Variants in BLOC1S3 observed in about 807,000 individuals in gnomAD.
The protein encoded by BLOC1S3 is biogenesis of lysosomal organelles complex 1 subunit 3, also known as biogenesis of lysosome-related organelles complex 1 subunit 3.
A neutral mutation model predicts 9.1 loss-of-function variants in BLOC1S3; 7 were observed. The ratio of observed to expected loss-of-function variants is 0.77; its 90% CI spans 0.44 to 1.45. BLOC1S3 has a LOEUF of 1.45. Ranked by LOEUF, BLOC1S3 falls within the 40% of genes most tolerant of loss-of-function variation. The pLI is 0.01. For synonymous variants in BLOC1S3, 145 were observed against 158.4 expected (o/e 0.92, Z 0.64); for missense variants, 307 against 315.2 (o/e 0.97, Z 0.20).
intron 3 of BLOC1S3, among the ~76,000 whole-genome samples, chr19:45,214,953 C>G (rs973075001): frequency 5.9e-5 from 9 of 152,038 alleles, no homozygotes; most frequent in African/African-American, 1.9e-4. Context: ...GTCAGGAGCT[C>G]AAGACCAGTG....
chr19:45,214,386 C>CA (rs1219906712), intron 3 of BLOC1S3, among the ~76,000 whole-genome samples: 7 of 152,148 alleles, frequency 4.6e-5, no homozygotes, highest in Admixed American at 3.3e-4. Context: ...CAGCCACCAC[C>CA]ACTGCCACCA....
At chr19:45,184,903 C>CAAAA (rs71338752), downstream of BLOC1S3, among the ~76,000 whole-genome samples, 369 of 48,274 alleles carry the variant, frequency 7.6e-3, 42 homozygotes, top group African/African-American at 0.024. Flanking sequence ...CTGTCTCAAA[C>CAAAA]AAAAAAAAAA....
chr19:45,206,462 T>TTTTTTTTTTTTTTTTTTG (rs970984062), intron 3 of BLOC1S3, among the ~76,000 whole-genome samples: 5 of 115,502 alleles, frequency 4.3e-5, no homozygotes, highest in African/African-American at 7.2e-5. Flanking sequence ...TTTTTTTTTT[T>TTTTTTTTTTTTTTTTTTG]TTTTTTTTTT....
At chr19:45,201,524 G>A (rs569064719) in intron 2 of BLOC1S3, among the ~76,000 whole-genome samples, 4 of 152,162 alleles carry the variant, frequency 2.6e-5, no homozygotes, top group Non-Finnish European at 5.9e-5. Flanking sequence ...GCCAGCAGGT[G>A]GTGAAGCCTG....
intron 2 of BLOC1S3, among the ~76,000 whole-genome samples, chr19:45,191,989 A>C (rs1969610542): frequency 6.6e-6 from 1 of 152,206 alleles, no homozygotes. Flanking sequence ...AAATCCAGCC[A>C]GGCTTGTGTT....
intron 3 of BLOC1S3, among the ~76,000 whole-genome samples, chr19:45,213,900 G>A (rs913289468): frequency 1.3e-5 from 2 of 151,998 alleles, no homozygotes; most frequent in African/African-American, 4.8e-5. Flanking sequence ...GTTGCAGTGA[G>A]CTGAGATCGC....
intron 3 of BLOC1S3, chr19:45,213,409 C>T: frequency 1.3e-6 from 2 of 1,594,334 alleles, no homozygotes; most frequent in Non-Finnish European, 1.7e-6. Context: ...TCTAGACACA[C>T]ACCCAACCCA....
rs534869632 is a variant in BLOC1S3 at position 45,192,792 on chromosome 19, C to T, written n.180+5052C>T. Reference sequence around the variant, plus strand: ...GGTGGCTGAGCTGATATCCAAGGTGCAAAACAAAGACCTCTTTATTCTTCC... The same window carrying T: ...GGTGGCTGAGCTGATATCCAAGGTGTAAAACAAAGACCTCTTTATTCTTCC... On this transcript the variant is annotated intron_variant and non_coding_transcript_variant, in intron 2 of 3. Coordinates refer to the BLOC1S3 transcript ENST00000591569. Among the ~76,000 whole-genome samples the T allele has an allele frequency of 9.2e-5, 14 of 152,156 alleles. No individual in the cohort carries two copies. In the South Asian group the frequency reaches 1.2e-3, roughly 14 times the overall value.
At chr19:45,215,167 C>G (rs2122952471) in intron 3 of BLOC1S3, among the ~76,000 whole-genome samples, 2 of 151,990 alleles carry the variant, frequency 1.3e-5, no homozygotes, top group Non-Finnish European at 2.9e-5. Context: ...CAAACAACAA[C>G]AAAATACCCC....
In BLOC1S3 at chr19:45,179,285, T is replaced by G. The variant is rs1313723781; in HGVS notation, c.-9-3T>G. The G allele has an allele frequency of 6.4e-7, 1 of 1,573,752 alleles. No individual in the cohort carries two copies. The highest frequency in any genetic ancestry group is 8.6e-7 in the Non-Finnish European group (1 of 1,169,002). ...GTGCAGTCCCTTCGCTCTTCTCCCC[T>G]AGTTCGGTGCCATGGCGTCCCAGGG... On this transcript the variant is annotated splice_polypyrimidine_tract_variant and splice_region_variant and intron_variant, in intron 1 of 1. Transcript: ENST00000433642. This position sits in a 1 kb window ranked among gnomAD's most constrained non-coding sequence, Gnocchi z 4.6.
chr19:45,213,152 G>A (rs376415591), intron 3 of BLOC1S3: 47 of 1,590,206 alleles, frequency 3.0e-5, no homozygotes, highest in African/African-American at 2.8e-4. Context: ...AGCCGGGAGA[G>A]GGGGAGGCGG....
At chr19:45,187,897 A>C (rs544860231) in intron 2 of BLOC1S3, among the ~76,000 whole-genome samples, 29 of 152,084 alleles carry the variant, frequency 1.9e-4, no homozygotes, top group African/African-American at 4.8e-4. Context: ...TTGTGGGTAC[A>C]TAGTAGATGT....
At chr19:45,191,731 T>C (rs1160530922) in intron 2 of BLOC1S3, among the ~76,000 whole-genome samples, 2 of 152,256 alleles carry the variant, frequency 1.3e-5, no homozygotes, top group Non-Finnish European at 2.9e-5. Context: ...AAGAATTCTC[T>C]GGATTATCAG....
intron 3 of BLOC1S3, among the ~76,000 whole-genome samples, chr19:45,205,221 A>G (rs1230899532): frequency 4.6e-5 from 7 of 151,998 alleles, no homozygotes; most frequent in Non-Finnish European, 1.0e-4. Context: ...ACTGGAGTAC[A>G]GTGGCATGAT....
At chr19:45,200,194 T>C (rs1431701634) in intron 2 of BLOC1S3, among the ~76,000 whole-genome samples, 1 of 150,944 alleles carries the variant, frequency 6.6e-6, no homozygotes, top group East Asian at 1.9e-4. Flanking sequence ...TTTTTTTTTT[T>C]TTTTTGAGAC....
intron 2 of BLOC1S3, among the ~76,000 whole-genome samples, chr19:45,193,528 C>T (rs1969623119): frequency 6.6e-6 from 1 of 152,058 alleles, no homozygotes; most frequent in Non-Finnish European, 1.5e-5. Context: ...GAGATGGTCT[C>T]TGTCAAAAGA....
downstream of BLOC1S3, among the ~76,000 whole-genome samples, chr19:45,185,243 C>A (rs1482328564): frequency 1.3e-5 from 2 of 152,194 alleles, no homozygotes; most frequent in African/African-American, 4.8e-5. Context: ...CCCCACTGGA[C>A]TGTTGGCCCC....
At chr19:45,205,472 C>A (rs1181826383) in intron 3 of BLOC1S3, among the ~76,000 whole-genome samples, 1 of 152,166 alleles carries the variant, frequency 6.6e-6, no homozygotes, top group Non-Finnish European at 1.5e-5. Flanking sequence ...CCAAAATACA[C>A]TTTAAATAGA....
intron 2 of BLOC1S3, among the ~76,000 whole-genome samples, chr19:45,196,936 A>G (rs1007232879): frequency 6.7e-6 from 1 of 148,962 alleles, no homozygotes; most frequent in African/African-American, 2.5e-5. Context: ...AGTGTCTGAG[A>G]GAGATCAGTG....
Sources: allele counts gnomAD v4.1 joint callset (sites outside exome capture counted in the v4.1 genomes callset), GRCh38; gene constraint gnomAD v4.1.1; non-coding constraint Gnocchi (gnomAD v3.1); transcripts MANE v1.5; gene names NCBI Gene and HGNC (gene_info 2026-07-23, HGNC 2026-07-21).